The following TLN2 variants were observed in gnomAD, a reference collection of about 807,000 sequenced individuals.
TLN2 encodes the protein talin-2.
Under a neutral mutation model 294.7 loss-of-function variants are expected in TLN2, and 118 were observed. The observed-to-expected ratio is 0.40, with a 90% CI of 0.34 to 0.47. TLN2 has a LOEUF of 0.47. Among genes scored for constraint, TLN2 ranks in the 20% least tolerant of loss-of-function variants. TLN2 has a pLI of 0.84. For synonymous variants in TLN2, 1,431 were observed against 1,304.5 expected (o/e 1.10, Z -2.09); for missense variants, 3,083 against 3,282.2 (o/e 0.94, Z 1.48).
chr15:62,588,116 G>A (rs566000607), intron 1 of TLN2, among the ~76,000 whole-genome samples: 2 of 152,116 alleles, frequency 1.3e-5, no homozygotes, highest in African/African-American at 2.4e-5. Flanking sequence ...TCCTGACCTC[G>A]TGATCTGCCC....
chr15:62,427,814 G>C (rs2034799462), intron 1 of TLN2, among the ~76,000 whole-genome samples: 1 of 152,168 alleles, frequency 6.6e-6, no homozygotes, highest in Admixed American at 6.5e-5. Flanking sequence ...CTCCCTATTT[G>C]TTTCATCTTG....
chr15:62,433,411 C>A (rs1452965974), intron 1 of TLN2, among the ~76,000 whole-genome samples: 2 of 152,094 alleles, frequency 1.3e-5, no homozygotes, highest in African/African-American at 4.8e-5. Context: ...TGCTGAGAAC[C>A]AGAGGACAAA....
intron 18 of TLN2, 30 bp downstream of exon 18, chr15:62,702,230 G>A (rs1300179932): frequency 2.6e-6 from 4 of 1,545,588 alleles, no homozygotes; most frequent in East Asian, 2.4e-5. Flanking sequence ...AATCACTCAG[G>A]TTCTGATGGG....
intron 1 of TLN2, among the ~76,000 whole-genome samples, chr15:62,532,298 T>C (rs762946164): frequency 1.3e-5 from 2 of 152,160 alleles, no homozygotes; most frequent in Non-Finnish European, 2.9e-5. Context: ...TGTCTTGCTA[T>C]GTTGCCCAGG....
intron 56 of TLN2, 46 bp downstream of exon 56, chr15:62,835,845 G>C: frequency 6.2e-7 from 1 of 1,614,206 alleles, no homozygotes; most frequent in Non-Finnish European, 8.5e-7. Context: ...GGGGTCCCCT[G>C]AGGGAGGTTT....
chr15:62,720,893 C>A (rs2060105469), intron 25 of TLN2, among the ~76,000 whole-genome samples: 3 of 152,068 alleles, frequency 2.0e-5, no homozygotes, highest in Admixed American at 2.0e-4. Flanking sequence ...TTCTTGAATT[C>A]CTAGAGAGAG....
At chr15:62,791,220 T>C (rs187421455) in intron 45 of TLN2, among the ~76,000 whole-genome samples, 15 of 151,348 alleles carry the variant, frequency 9.9e-5, no homozygotes, top group African/African-American at 3.6e-4. Flanking sequence ...CTGGGTGTTG[T>C]GGTGGCCACC....
chr15:62,745,851 G>A (rs1595864330), intron 32 of TLN2, among the ~76,000 whole-genome samples: 2 of 152,204 alleles, frequency 1.3e-5, no homozygotes, highest in South Asian at 2.1e-4. Flanking sequence ...ATGTAATCCC[G>A]ACTGTAAAAT....
intron 1 of TLN2, among the ~76,000 whole-genome samples, chr15:62,478,088 A>G (rs988926414): frequency 2.6e-5 from 4 of 152,190 alleles, no homozygotes; most frequent in Non-Finnish European, 5.9e-5. Flanking sequence ...GCCTTGGGCT[A>G]AGTGTGTGGC....
At chr15:62,639,091 A>G (rs1011386000) in intron 3 of TLN2, among the ~76,000 whole-genome samples, 4 of 152,200 alleles carry the variant, frequency 2.6e-5, no homozygotes, top group Non-Finnish European at 1.5e-5. Flanking sequence ...ACAGATATTT[A>G]TAGAGCACCT....
chr15:62,626,717 A>G (rs896995185), intron 3 of TLN2, among the ~76,000 whole-genome samples: 1 of 152,186 alleles, frequency 6.6e-6, no homozygotes, highest in Non-Finnish European at 1.5e-5. Context: ...GAGATGATAA[A>G]TGCCTTGTCC....
intron 45 of TLN2, among the ~76,000 whole-genome samples, chr15:62,791,230 C>G (rs2065055909): frequency 6.6e-6 from 1 of 152,032 alleles, no homozygotes; most frequent in African/African-American, 2.4e-5. Flanking sequence ...TGGTGGCCAC[C>G]TGTAATCCCA....
chr15:62,410,998 T>G (rs2033745403), intron 1 of TLN2, among the ~76,000 whole-genome samples: 1 of 152,222 alleles, frequency 6.6e-6, no homozygotes, highest in South Asian at 2.1e-4. Flanking sequence ...AGCAGCCTAT[T>G]CTTGTAGAAG....
intron 1 of TLN2, among the ~76,000 whole-genome samples, chr15:62,532,901 T>C (rs562024174): frequency 2.0e-5 from 3 of 152,180 alleles, no homozygotes; most frequent in Non-Finnish European, 4.4e-5. Context: ...CTAGATCAGA[T>C]GGCAGTTAGC....
chr15:62,702,393 T>A (rs1455470073), intron 18 of TLN2, among the ~76,000 whole-genome samples, 193 bp downstream of exon 18: 1 of 152,190 alleles, frequency 6.6e-6, no homozygotes, highest in Non-Finnish European at 1.5e-5. Flanking sequence ...GCTCTTAGTA[T>A]AAAGGCCTCC....
chr15:62,727,244 T>TG, intron 28 of TLN2, 55 bp downstream of exon 28: 1 of 1,504,030 alleles, frequency 6.6e-7, no homozygotes. Flanking sequence ...CTGGGTGTAG[T>TG]GGGGGAGGAG....
chr15:62,736,957 C>T lies in TLN2; in HGVS notation c.3438C>T (p.Asp1146=). ...AARGVAASTT[D]PAAAHAMLDS... is the part of the protein sequence containing the mutation. ...GTGGAGTGGCTGCATCGACAACCGA[C>T]CCCGCGGCCGCCCATGCCATGTTAG... Residue 1146 remains aspartate, a synonymous_variant, in exon 29 of 59, where the codon GAC becomes GAT. Transcript: ENST00000636159. 4.3e-6 allele frequency: 7 copies of T among 1,614,222 alleles called. No individual in the cohort carries two copies. Among genetic ancestry groups the T allele is most frequent in the South Asian group, 1.1e-5 (1 of 91,090 alleles).
At chr15:62,762,529 T>C in intron 39 of TLN2, 76 bp downstream of exon 39, 2 of 1,492,098 alleles carry the variant, frequency 1.3e-6, no homozygotes, top group Non-Finnish European at 1.8e-6. Flanking sequence ...ACCAGGCTTT[T>C]TACTTAATAG....
chr15:62,644,809 C>T, intron 3 of TLN2: 1 of 337,876 alleles, frequency 3.0e-6, no homozygotes, highest in Admixed American at 4.2e-5. Flanking sequence ...TCATGGCTCT[C>T]TCTTGGCTTC....
Sources: gnomAD v4.1 joint callset for allele counts (sites outside exome capture counted in the v4.1 genomes callset) on GRCh38, gnomAD v4.1.1 for gene constraint, MANE v1.5 for transcripts, NCBI Gene and HGNC (gene_info 2026-07-23, HGNC 2026-07-21) for gene names.